The following ELMO1 variants were observed in gnomAD, a reference collection of about 807,000 sequenced individuals.
ELMO1 encodes engulfment and cell motility 1, also known as engulfment and cell motility protein 1.
Under a neutral mutation model 98.9 loss-of-function variants are expected in ELMO1, and 26 were observed. The observed-to-expected ratio is 0.26, with a 90% CI of 0.19 to 0.36. The LOEUF (loss-of-function observed/expected upper bound fraction) is 0.36. ELMO1 is among the 10% of genes least tolerant of loss of function. The pLI, the probability that ELMO1 is intolerant of heterozygous loss-of-function variation, is 1.00. For missense variants in ELMO1, 627 were observed against 935.2 expected (o/e 0.67, Z 4.30); for synonymous variants, 346 against 346.0 (o/e 1.00, Z 0.00).
chr7:36,984,207 G>A (rs1008314948), intron 16 of ELMO1, among the ~76,000 whole-genome samples: 4 of 152,276 alleles, frequency 2.6e-5, no homozygotes, highest in African/African-American at 9.6e-5. Context: ...TGGTGCAGCA[G>A]GCAGAGTTAA....
chr7:37,154,348 C>A (rs921248476), intron 13 of ELMO1, among the ~76,000 whole-genome samples: 1 of 152,036 alleles, frequency 6.6e-6, no homozygotes. Flanking sequence ...TTCAGAAGGT[C>A]GGTAATAACA....
chr7:37,155,684 G>A (rs1045993131), intron 13 of ELMO1, among the ~76,000 whole-genome samples: 5 of 151,992 alleles, frequency 3.3e-5, no homozygotes, highest in Non-Finnish European at 5.9e-5. Context: ...CAAGTTCTTA[G>A]AGACCTACAA....
chr7:36,891,649 T>A (rs549699723), intron 17 of ELMO1, among the ~76,000 whole-genome samples: 5 of 152,214 alleles, frequency 3.3e-5, no homozygotes, highest in Non-Finnish European at 7.4e-5. Context: ...CCCAGGCATA[T>A]GAAAAGTGCT....
chr7:37,330,738 C>G (rs1181841604), intron 2 of ELMO1, among the ~76,000 whole-genome samples: 4 of 152,174 alleles, frequency 2.6e-5, no homozygotes, highest in African/African-American at 9.7e-5. Context: ...TCATTCTTAC[C>G]ATAGATCTTA....
At chr7:37,080,205 T>TGG (rs1797789828) in intron 15 of ELMO1, among the ~76,000 whole-genome samples, 1 of 152,226 alleles carries the variant, frequency 6.6e-6, no homozygotes, top group Admixed American at 6.5e-5. Flanking sequence ...GCTAACACTC[T>TGG]GGTTCAGGAC....
chr7:36,859,185 TTC>T (rs777572828), intron 21 of ELMO1, among the ~76,000 whole-genome samples: 50 of 152,160 alleles, frequency 3.3e-4, no homozygotes, highest in Non-Finnish European at 6.0e-4. Flanking sequence ...CTTATTTGCA[TTC>T]TGACTTGAAC....
chr7:36,902,584 C>T (rs1783656097), intron 16 of ELMO1, among the ~76,000 whole-genome samples: 1 of 152,188 alleles, frequency 6.6e-6, no homozygotes, highest in African/African-American at 2.4e-5. Flanking sequence ...CTGAAACTTT[C>T]TCTATTGGTT....
chr7:36,979,850 A>G (rs1790895108), intron 16 of ELMO1, among the ~76,000 whole-genome samples: 1 of 152,240 alleles, frequency 6.6e-6, no homozygotes, highest in African/African-American at 2.4e-5. Context: ...TTGGGCTACC[A>G]GTGTGAAGGC....
intron 16 of ELMO1, among the ~76,000 whole-genome samples, chr7:36,895,902 T>C (rs1805962145): frequency 6.6e-6 from 1 of 152,258 alleles, no homozygotes; most frequent in Non-Finnish European, 1.5e-5. Context: ...TTTCTTTCTT[T>C]ATCCACTCAA....
chr7:37,077,922 A>G (rs35943088), intron 15 of ELMO1, among the ~76,000 whole-genome samples: 29,966 of 152,134 alleles, frequency 0.2, 3,526 homozygotes, highest in African/African-American at 0.33. Context: ...AAACCTACAT[A>G]GGAAGCATGA....
chr7:36,991,717 TTTATC>T (rs1246082156), intron 16 of ELMO1, among the ~76,000 whole-genome samples: 1 of 152,182 alleles, frequency 6.6e-6, no homozygotes, highest in Non-Finnish European at 1.5e-5. Flanking sequence ...ACACTGTCAC[TTTATC>T]TTTTGATCCC....
chr7:37,206,537 A>G (rs1792633478), intron 13 of ELMO1, among the ~76,000 whole-genome samples: 2 of 152,176 alleles, frequency 1.3e-5, no homozygotes, highest in Admixed American at 6.5e-5. Flanking sequence ...TGCCATCTCT[A>G]TTTGCTGAAA....
At chr7:37,168,196 C>G (rs1789864538) in intron 13 of ELMO1, among the ~76,000 whole-genome samples, 1 of 152,212 alleles carries the variant, frequency 6.6e-6, no homozygotes, top group South Asian at 2.1e-4. Flanking sequence ...CCATCAGCTC[C>G]TTTAAGTACT....
intron 6 of ELMO1, among the ~76,000 whole-genome samples, chr7:37,251,942 C>T (rs1795370887): frequency 6.6e-6 from 1 of 152,094 alleles, no homozygotes; most frequent in South Asian, 2.1e-4. Context: ...CAATAATAGG[C>T]AAACAGAGAG....
intron 15 of ELMO1, among the ~76,000 whole-genome samples, chr7:37,088,234 GTA>G (rs1783888411): frequency 6.6e-6 from 1 of 152,190 alleles, no homozygotes; most frequent in African/African-American, 2.4e-5. Flanking sequence ...GATGTGCTTA[GTA>G]TAGTCTCCTT....
chr7:36,973,432 T>C (rs1256639327), intron 16 of ELMO1, among the ~76,000 whole-genome samples: 2 of 152,208 alleles, frequency 1.3e-5, no homozygotes, highest in East Asian at 1.9e-4. Context: ...TGCAGAGCAA[T>C]AGACTGAGTG....
At chr7:36,970,632 A>C (rs1213905960) in intron 16 of ELMO1, among the ~76,000 whole-genome samples, 2 of 152,158 alleles carry the variant, frequency 1.3e-5, no homozygotes, top group African/African-American at 2.4e-5. Context: ...ACACTTGATA[A>C]AGGTTTTGTT....
rs73346374 is a variant in ELMO1 at position 37,063,540 on chromosome 7, G to C, written c.1300+33079C>G. On this transcript the variant is annotated intron_variant, in intron 15 of 21. Coordinates refer to ENST00000310758, the MANE Select transcript of ELMO1 (RefSeq NM_014800.11). ...AACTAAACTATAAACATTACCTATA[G>C]TATCAGCAATAGATATGGAAGTCAA... Among the ~76,000 whole-genome samples, 1,235 of 152,242 alleles carry C rather than the reference G, an allele frequency of 8.1e-3. 17 individuals are homozygous for C. Among genetic ancestry groups the C allele is most frequent in the African/African-American group, 0.028 (1,175 of 41,550 alleles).
At chr7:37,215,465 G>A (rs1206549377) in intron 11 of ELMO1, among the ~76,000 whole-genome samples, 1 of 152,082 alleles carries the variant, frequency 6.6e-6, no homozygotes, top group South Asian at 2.1e-4. Flanking sequence ...GATAATAAAT[G>A]ACTCCTTTCA....
Sources: gnomAD v4.1 joint callset for allele counts (sites outside exome capture counted in the v4.1 genomes callset) on GRCh38, gnomAD v4.1.1 for gene constraint, MANE v1.5 for transcripts, NCBI Gene and HGNC (gene_info 2026-07-23, HGNC 2026-07-21) for gene names.